Variants in ATP6V0E2 observed in about 807,000 individuals in gnomAD.
ATP6V0E2 encodes the protein V-type proton ATPase subunit e 2.
ATP6V0E2 carries 4 observed loss-of-function variants against 11.5 expected under a neutral mutation model. That is an observed-to-expected ratio of 0.35 (90% CI 0.17 to 0.80). ATP6V0E2 has a LOEUF of 0.80. ATP6V0E2 is among the 30% of genes least tolerant of loss of function. The pLI, the probability that ATP6V0E2 is intolerant of heterozygous loss-of-function variation, is 0.53. For synonymous variants in ATP6V0E2, 52 were observed against 51.0 expected (o/e 1.02, Z -0.09); for missense variants, 93 against 113.5 (o/e 0.82, Z 0.82).
At chr7:149,874,705 A>G (rs1356858081) in intron 1 of ATP6V0E2, 2 of 153,724 alleles carry the variant, frequency 1.3e-5, no homozygotes, top group Non-Finnish European at 2.9e-5. Flanking sequence ...GCTTCATATT[A>G]TCTTCAGTTA....
intron 1 of ATP6V0E2, 98 bp downstream of exon 1, chr7:149,874,267 A>G (rs2128947232): frequency 1.4e-6 from 2 of 1,415,774 alleles, no homozygotes; most frequent in Non-Finnish European, 1.9e-6. Context: ...CTCTGCAGCG[A>G]GCGTCCGCAG....
In ATP6V0E2 at chr7:149,879,630, T is replaced by A; in HGVS notation, c.*315T>A. 1 of 1,463,704 alleles carries A rather than the reference T, an allele frequency of 6.8e-7. No individual in the cohort carries two copies. The highest frequency in any genetic ancestry group is 1.4e-5 in the African/African-American group (1 of 69,404). 90.7% of individuals were successfully genotyped at this position (1,463,704 alleles called of 1,614,324 possible). On this transcript the variant is annotated 3_prime_UTR_variant, in exon 4 of 4. Transcript: ENST00000425642. ...TGCTGGGGAGCTGGTATGGGTGGGG[T>A]CTTTCCCTTTACAGACGGGGCAGAT...
chr7:149,873,976 A>C lies in ATP6V0E2; in HGVS notation c.-90A>C. On this transcript the variant is annotated 5_prime_UTR_variant, in exon 1 of 4. An upstream start codon of the reference 5' UTR is lost. Coordinates refer to ENST00000425642, the MANE Select transcript of ATP6V0E2 (RefSeq NM_145230.4). ...TTCGGGTGCTCGACTCCTGTTGCGC[A>C]TGCTCAGCGCGCTGCCCGGCTGGGG... is the stretch of plus-strand genomic sequence containing the variant. The C allele has an allele frequency of 6.5e-7, 1 of 1,545,362 alleles. No individual in the cohort carries two copies. The highest frequency in any genetic ancestry group is 8.7e-7 in the Non-Finnish European group (1 of 1,146,694).
At position 149,879,795 on chromosome 7, in the gene ATP6V0E2, C is replaced by T. The variant is rs1803364884; in HGVS notation, c.*480C>T. 2.2e-5 allele frequency: 15 copies of T among 678,414 alleles called. No individual in the cohort carries two copies. Among genetic ancestry groups the T allele is most frequent in the Admixed American group, 1.7e-4 (4 of 23,460 alleles). 42.0% of individuals were successfully genotyped at this position (678,414 alleles called of 1,614,324 possible). ...GGGGGGGCCTCTATTGGGTTATAGGCAAGGCCTTTTCTCTGGCATGGAATT... is the reference window on the plus strand; with the variant it reads ...GGGGGGGCCTCTATTGGGTTATAGGTAAGGCCTTTTCTCTGGCATGGAATT... On this transcript the variant is annotated 3_prime_UTR_variant, in exon 4 of 4. Coordinates refer to ENST00000425642, the MANE Select transcript of ATP6V0E2 (RefSeq NM_145230.4).
At chr7:149,873,849 C>T (rs1802963048), upstream of ATP6V0E2, 2 of 1,450,186 alleles carry the variant, frequency 1.4e-6, no homozygotes. Flanking sequence ...GTCCGCGGCC[C>T]TGCTCAGCCA....
Position 149,880,072 on chromosome 7 carries a change from T to C in ATP6V0E2, c.*757T>C, listed in dbSNP as rs7805600. The C allele has an allele frequency of 0.64, 104,820 of 162,830 alleles. 34,897 individuals carry two copies. Among genetic ancestry groups the C allele is most frequent in the African/African-American group, 0.81 (34,013 of 41,944 alleles). The allele number at this position is 162,830 out of a possible 1,614,324, so 10.1% of individuals were successfully genotyped here. ...GTGCAGGTTTGGCTCTGACTTGGGC[T>C]TTTGGCTGCAGTGGGGGTGGATTTC... On this transcript the variant is annotated 3_prime_UTR_variant, in exon 4 of 4. Transcript: ENST00000425642.
chr7:149,873,347 C>A (rs758473318), upstream of ATP6V0E2: 2 of 152,534 alleles, frequency 1.3e-5, no homozygotes, highest in Non-Finnish European at 2.9e-5. Context: ...GCCGGCCCGG[C>A]CGGTCCAACC....
At position 149,879,711 on chromosome 7, in the gene ATP6V0E2, G is replaced by A. The variant is rs747365016; in HGVS notation, c.*396G>A. The A allele has an allele frequency of 3.0e-6, 4 of 1,350,500 alleles. No homozygotes were observed. Among genetic ancestry groups the A allele is most frequent in the African/African-American group, 1.5e-5 (1 of 66,290 alleles). The allele number at this position is 1,350,500 out of a possible 1,614,324, so 83.7% of individuals were successfully genotyped here. ...CGTGTCCTCATGGAGAGGGTGCTCC[G>A]GCCCAGGCGGGGGAGTCAGTGCCCA... On this transcript the variant is annotated 3_prime_UTR_variant, in exon 4 of 4. Transcript: ENST00000425642.
intron 2 of ATP6V0E2, 44 bp from the exon 3 acceptor site, chr7:149,878,634 G>T (rs767140339): frequency 1.9e-6 from 3 of 1,557,368 alleles, no homozygotes; most frequent in Admixed American, 3.5e-5. Context: ...GGTGTGGGAG[G>T]ACCCTCCTGT....
chr7:149,878,954 G>A lies in ATP6V0E2; in HGVS notation c.*19+164G>A. 7.1e-6 allele frequency: 3 copies of A among 423,190 alleles called. No homozygotes were observed. The South Asian group carries it at 9.0e-5, about 13-fold the overall frequency. The allele number at this position is 423,190 out of a possible 1,614,324, so 26.2% of individuals were successfully genotyped here. ...GGGCCCAGGGAGCCATCCACACTCCGGCAGGCACATGGGGTTGGTATGGCA... is the reference window on the plus strand; with the variant it reads ...GGGCCCAGGGAGCCATCCACACTCCAGCAGGCACATGGGGTTGGTATGGCA... On this transcript the variant is annotated intron_variant, in intron 3 of 3. Transcript: ENST00000425642.
rs1803274851 is a variant in ATP6V0E2, at chr7:149,878,561, A to G, written c.153-117A>G. On this transcript the variant is annotated intron_variant, in intron 2 of 3. Coordinates refer to ENST00000425642, the MANE Select transcript of ATP6V0E2 (RefSeq NM_145230.4). ...CCCTGGGCCCTTCTTCACCCTGGGA[A>G]CACAGGCCCTGCCATCTGCTGGGTT... is the stretch of plus-strand genomic sequence containing the variant. 3.7e-6 allele frequency: 3 copies of G among 801,800 alleles called. No homozygotes were observed. The African/African-American group carries it at 5.1e-5, about 14-fold the overall frequency. 49.7% of individuals were successfully genotyped at this position (801,800 alleles called of 1,614,324 possible). A position where few individuals can be genotyped will look rare whatever the true frequency, so the allele number is the denominator to read the frequency against.
chr7:149,879,403 C>T lies in ATP6V0E2; in HGVS notation c.*88C>T. On this transcript the variant is annotated 3_prime_UTR_variant, in exon 4 of 4. Coordinates refer to ENST00000425642, the MANE Select transcript of ATP6V0E2 (RefSeq NM_145230.4). ...ACCCCTTCGTCCGGACCCTCCCCCA[C>T]ACAACTATGTCTGGTCACCAGCTCC... is the stretch of plus-strand genomic sequence containing the variant. The T allele has an allele frequency of 6.2e-7, 1 of 1,602,130 alleles. No homozygotes were observed.
intron 3 of ATP6V0E2, 187 bp from the exon 4 acceptor site, chr7:149,879,148 C>A: frequency 7.2e-7 from 1 of 1,398,472 alleles, no homozygotes; most frequent in East Asian, 2.7e-5. Context: ...CCAGCACCCC[C>A]CTCCCCCATC....
In ATP6V0E2 at chr7:149,874,269, C is replaced by G. The variant is rs73725907; in HGVS notation, c.104+100C>G. 4.9e-3 allele frequency: 6,905 copies of G among 1,408,580 alleles called. 232 individuals carry two copies. In the African/African-American group the frequency reaches 0.079, roughly 16 times the overall value. 87.3% of individuals were successfully genotyped at this position (1,408,580 alleles called of 1,614,324 possible). A position where few individuals can be genotyped will look rare whatever the true frequency, so the allele number is the denominator to read the frequency against. On this transcript the variant is annotated intron_variant, in intron 1 of 3. Transcript: ENST00000425642. ...CGGCGGCTTCCTGCTCTGCAGCGAGCGTCCGCAGGAGGGACGCCAGGACCC... is the reference window on the plus strand; with the variant it reads ...CGGCGGCTTCCTGCTCTGCAGCGAGGGTCCGCAGGAGGGACGCCAGGACCC...
rs762241479 is a variant in ATP6V0E2, at chr7:149,879,544, G to T, written c.*229G>T. 31 of 1,558,798 alleles carry T rather than the reference G, an allele frequency of 2.0e-5. No individual in the cohort carries two copies. Among genetic ancestry groups the T allele is most frequent in the Admixed American group, 1.7e-4 (9 of 52,428 alleles). Reference sequence around the variant, plus strand: ...AGCCCTGGGCACAGCAGCGGCCGAGGGGATGTCCTGCTCCAATACCCGCAC... The same window carrying T: ...AGCCCTGGGCACAGCAGCGGCCGAGTGGATGTCCTGCTCCAATACCCGCAC... On this transcript the variant is annotated 3_prime_UTR_variant, in exon 4 of 4. Coordinates refer to ENST00000425642, the MANE Select transcript of ATP6V0E2 (RefSeq NM_145230.4).
At chr7:149,873,959 C>T (rs1248783097), upstream of ATP6V0E2, 3 of 1,545,232 alleles carry the variant, frequency 1.9e-6, no homozygotes, top group South Asian at 1.2e-5. Context: ...GCTTCGGGTG[C>T]TCGACTCCTG....
intron 2 of ATP6V0E2, among the ~76,000 whole-genome samples, chr7:149,876,790 C>T (rs1803168781): frequency 1.3e-5 from 2 of 152,126 alleles, no homozygotes; most frequent in Admixed American, 6.6e-5. Context: ...AGCTTGGCAT[C>T]GTTGGGTGTT....
intron 1 of ATP6V0E2, chr7:149,874,472 T>G: frequency 2.8e-6 from 1 of 356,980 alleles, no homozygotes; most frequent in African/African-American, 2.2e-5. Context: ...TCTCCACTCC[T>G]TGCTAGCTGT....
rs372896107 is a variant in ATP6V0E2 at position 149,878,818 on chromosome 7, G to A, written c.*19+28G>A. On this transcript the variant is annotated intron_variant, in intron 3 of 3. Coordinates refer to ENST00000425642, the MANE Select transcript of ATP6V0E2 (RefSeq NM_145230.4). ...ACTGTGTGGGCGAGGGGTGTGGGTG[G>A]GGAAGAGGGGAAAGACAAGGCTTTC... 1.9e-5 allele frequency: 31 copies of A among 1,599,658 alleles called. No homozygotes were observed. In the Middle Eastern group the frequency reaches 5.0e-4, roughly 26 times the overall value.
Sources: gnomAD v4.1 joint callset for allele counts (sites outside exome capture counted in the v4.1 genomes callset) on GRCh38, gnomAD v4.1.1 for gene constraint, MANE v1.5 for transcripts, NCBI Gene and HGNC (gene_info 2026-07-23, HGNC 2026-07-21) for gene names.